Variants in SMARCC1 observed in about 807,000 individuals in gnomAD.
The protein encoded by SMARCC1 is SWI/SNF related BAF chromatin remodeling complex subunit C1, also known as SWI/SNF complex subunit SMARCC1.
In SMARCC1, 43 loss-of-function variants were observed where a neutral mutation model predicts 147.4. That is an observed-to-expected ratio of 0.29 (90% CI 0.23 to 0.38). SMARCC1 has a LOEUF of 0.38. Among genes scored for constraint, SMARCC1 ranks in the 10% least tolerant of loss-of-function variants. The pLI is 1.00. For missense variants in SMARCC1, 1,119 were observed against 1,381.1 expected (o/e 0.81, Z 3.01); for synonymous variants, 495 against 484.4 (o/e 1.02, Z -0.29).
At chr3:47,760,299 A>G (rs7641808) in intron 2 of SMARCC1, among the ~76,000 whole-genome samples, 138,819 of 151,984 alleles carry the variant, frequency 0.91, 64,700 homozygotes, top group East Asian at 1. Context: ...GCAACAGAGA[A>G]AGGCTGTCTC....
intron 8 of SMARCC1, 95 bp downstream of exon 8, chr3:47,714,320 A>G: frequency 1.4e-6 from 1 of 727,864 alleles, no homozygotes; most frequent in Non-Finnish European, 2.4e-6. Flanking sequence ...CCAAGATCGC[A>G]CCACTCCACT....
At position 47,689,331 on chromosome 3, in the gene SMARCC1, C is replaced by T. The variant is rs143931746; in HGVS notation, c.1263+56G>A. 4.4e-4 allele frequency: 606 copies of T among 1,386,648 alleles called. 1 individual carries two copies. Among genetic ancestry groups the T allele is most frequent in the Non-Finnish European group, 5.8e-4 (564 of 972,672 alleles). 85.9% of individuals were successfully genotyped at this position (1,386,648 alleles called of 1,614,324 possible). On this transcript the variant is annotated intron_variant, in intron 13 of 27. Coordinates refer to ENST00000254480, the MANE Select transcript of SMARCC1 (RefSeq NM_003074.4). The stretch of plus-strand genomic sequence containing the variant: ...TGTCCAATTCAGTGCTTCTACTGTT[C>T]GGTACACAGGACCCTTAGAGAAGCT...
rs369718713 is a variant in SMARCC1, at chr3:47,761,279, G to T, written c.315+11538C>A. Among the ~76,000 whole-genome samples the T allele has an allele frequency of 4.0e-5, 6 of 151,854 alleles. No individual in the cohort carries two copies. The East Asian group carries it at 9.6e-4, about 24-fold the overall frequency. On this transcript the variant is annotated intron_variant, in intron 2 of 27. Transcript: ENST00000254480. ...ACCATACCACTGTACTTTAGCCTGGGTGACAGAGCAAGGCAGTATCTCAGA... is the reference window on the plus strand; with the variant it reads ...ACCATACCACTGTACTTTAGCCTGGTTGACAGAGCAAGGCAGTATCTCAGA...
At chr3:47,662,689 G>A in intron 19 of SMARCC1, 97 bp from the exon 20 acceptor site, 1 of 964,850 alleles carries the variant, frequency 1.0e-6, no homozygotes, top group South Asian at 1.6e-5. Flanking sequence ...AAAAATTAAT[G>A]CAAATATTTA....
chr3:47,678,722 G>T (rs1156446659), intron 15 of SMARCC1, among the ~76,000 whole-genome samples: 1 of 152,160 alleles, frequency 6.6e-6, no homozygotes, highest in Non-Finnish European at 1.5e-5. Flanking sequence ...GCTCTATATT[G>T]CAGGTAGGGT....
chr3:47,650,276 AAATAATAAT>A (rs34728200), intron 21 of SMARCC1, among the ~76,000 whole-genome samples: 1 of 138,498 alleles, frequency 7.2e-6, no homozygotes, highest in East Asian at 2.1e-4. Flanking sequence ...ACTCTGTTTA[AAATAATAAT>A]AATAATAATA....
At chr3:47,673,187 A>G (rs779418532) in intron 18 of SMARCC1, among the ~76,000 whole-genome samples, 13 of 151,940 alleles carry the variant, frequency 8.6e-5, no homozygotes, top group Non-Finnish European at 1.5e-4. Context: ...AGTTCAAGAC[A>G]AACCAGGACA....
At chr3:47,755,394 G>C (rs1275944795) in intron 2 of SMARCC1, among the ~76,000 whole-genome samples, 1 of 150,326 alleles carries the variant, frequency 6.7e-6, no homozygotes, top group Non-Finnish European at 1.5e-5. Context: ...CTACTTGGGA[G>C]GCTGAGGCAG....
chr3:47,712,222 A>T (rs1208311916), intron 8 of SMARCC1, among the ~76,000 whole-genome samples: 1 of 152,180 alleles, frequency 6.6e-6, no homozygotes, highest in African/African-American at 2.4e-5. Flanking sequence ...ACAAGAATGA[A>T]GTTCCGTCTC....
rs10662354 is a variant in SMARCC1 at position 47,780,168 on chromosome 3, G to GTTTTTTTTTTTTTT, written c.195+1421_195+1434dup. ...ATTTCTGGGTCTTTGGTTTTTTTTT[G>GTTTTTTTTTTTTTT]TTTTTTTTTTTTTTTTTTTTTTGGA... On this transcript the variant is annotated intron_variant, in intron 1 of 27. Coordinates refer to ENST00000254480, the MANE Select transcript of SMARCC1 (RefSeq NM_003074.4). Among the ~76,000 whole-genome samples the GTTTTTTTTTTTTTT allele has an allele frequency of 6.3e-4, 39 of 61,866 alleles. 3 individuals are homozygous for GTTTTTTTTTTTTTT. Among genetic ancestry groups the GTTTTTTTTTTTTTT allele is most frequent in the African/African-American group, 8.6e-4 (13 of 15,064 alleles). The allele number at this position is 61,866 out of a possible 152,430, so 40.6% of individuals were successfully genotyped here.
chr3:47,639,068 G>A (rs2033013046), intron 21 of SMARCC1, among the ~76,000 whole-genome samples: 1 of 152,114 alleles, frequency 6.6e-6, no homozygotes, highest in African/African-American at 2.4e-5. Flanking sequence ...GGAGGTCCTA[G>A]GGTGCTGGTA....
At chr3:47,696,871 G>GT (rs1449740396) in intron 11 of SMARCC1, among the ~76,000 whole-genome samples, 1 of 151,938 alleles carries the variant, frequency 6.6e-6, no homozygotes, top group African/African-American at 2.4e-5. Context: ...ATGATTTTGG[G>GT]TTTTTTTGAA....
intron 16 of SMARCC1, among the ~76,000 whole-genome samples, chr3:47,677,115 G>A (rs1337318956): frequency 2.6e-5 from 4 of 152,102 alleles, no homozygotes; most frequent in East Asian, 1.9e-4. Context: ...CGCATTTTTC[G>A]TGACAGAGTC....
At chr3:47,646,548 A>G (rs143712395) in intron 21 of SMARCC1, among the ~76,000 whole-genome samples, 1 of 152,376 alleles carries the variant, frequency 6.6e-6, no homozygotes, top group African/African-American at 2.4e-5. Context: ...AGAAAGGTCT[A>G]GTAATTATTT....
chr3:47,749,247 T>C (rs1039757299), intron 2 of SMARCC1, among the ~76,000 whole-genome samples: 2 of 152,106 alleles, frequency 1.3e-5, no homozygotes, highest in African/African-American at 4.8e-5. Flanking sequence ...GAGGTTGAAG[T>C]GAGCTGATGT....
intron 9 of SMARCC1, among the ~76,000 whole-genome samples, chr3:47,708,247 C>T (rs2034040887): frequency 6.6e-6 from 1 of 150,872 alleles, no homozygotes; most frequent in African/African-American, 2.4e-5. Context: ...TCAATTGATC[C>T]CCCTCACCTC....
Position 47,610,205 on chromosome 3 carries a change from T to C in SMARCC1, c.2904A>G (p.Gln968=), listed in dbSNP as rs754542691. 6.6e-5 allele frequency: 106 copies of C among 1,614,060 alleles called. No individual in the cohort carries two copies. The highest frequency in any genetic ancestry group is 8.7e-5 in the Non-Finnish European group (103 of 1,180,048). Residue 968 remains glutamine (Q), a synonymous_variant, in exon 26 of 28, where the codon CAA becomes CAG. Coordinates refer to ENST00000254480, the MANE Select transcript of SMARCC1 (RefSeq NM_003074.4). ...MEQQQHGQNP[Q]QAHQHSGGPG... is the part of the protein sequence containing the mutation. ...GTCCTCCTGAGTGCTGGTGTGCCTG[T>C]TGAGGGTTCTGGCCATGCTGCTGCT...
At chr3:47,773,075 G>T in intron 1 of SMARCC1, 139 bp from the exon 2 acceptor site, 1 of 612,016 alleles carries the variant, frequency 1.6e-6, no homozygotes, top group Non-Finnish European at 2.6e-6. Flanking sequence ...CTATAAAGGA[G>T]CTTACAAAAA....
At chr3:47,727,686 G>A (rs1255899888) in intron 6 of SMARCC1, among the ~76,000 whole-genome samples, 1 of 151,320 alleles carries the variant, frequency 6.6e-6, no homozygotes, top group Non-Finnish European at 1.5e-5. Flanking sequence ...TGCAATCTCA[G>A]CTCACTGCAA....
Sources: gnomAD v4.1 joint callset for allele counts (sites outside exome capture counted in the v4.1 genomes callset) on GRCh38, gnomAD v4.1.1 for gene constraint, MANE v1.5 for transcripts, NCBI Gene and HGNC (gene_info 2026-07-23, HGNC 2026-07-21) for gene names.